Variants in CHRNE observed in about 807,000 individuals in gnomAD.
The protein encoded by CHRNE is cholinergic receptor nicotinic epsilon subunit.
A neutral mutation model predicts 56.5 loss-of-function variants in CHRNE; 58 were observed. The observed-to-expected ratio is 1.03, with a 90% confidence interval of 0.83 to 1.28. CHRNE has a LOEUF of 1.28. Among genes scored for constraint, CHRNE ranks in the 50% most tolerant of loss-of-function variants. CHRNE has a pLI of 0.00. For synonymous variants in CHRNE, 385 were observed against 297.9 expected (o/e 1.29, Z -3.01); for missense variants, 793 against 688.9 (o/e 1.15, Z -1.69).
intron 8 of CHRNE, chr17:4,900,369 G>A (rs1392688696): frequency 1.9e-6 from 3 of 1,549,274 alleles, no homozygotes; most frequent in East Asian, 2.4e-5. Context: ...TCGGCAAGCT[G>A]GGGCTGCGGT....
Position 4,898,184 on chromosome 17 carries a change from T to C in CHRNE, c.*552A>G, listed in dbSNP as rs1969781738. 1 of 176,564 alleles carries C rather than the reference T, an allele frequency of 5.7e-6. No homozygotes were observed. Among genetic ancestry groups the C allele is most frequent in the South Asian group, 1.1e-4 (1 of 8,780 alleles). 10.9% of individuals were successfully genotyped at this position (176,564 alleles called of 1,614,324 possible). ...AATGAGTGAGCCTCATGGGGTGGGA[T>C]GGGCAGTGCTGGGCCAAGAAAACCT... On this transcript the variant is annotated 3_prime_UTR_variant, in exon 12 of 12. Coordinates refer to ENST00000649488, the MANE Select transcript of CHRNE (RefSeq NM_000080.4).
upstream of CHRNE, among the ~76,000 whole-genome samples, chr17:4,904,707 G>T (rs1211523031): frequency 4.6e-5 from 7 of 152,196 alleles, no homozygotes; most frequent in African/African-American, 1.7e-4. Context: ...TCGCACACCT[G>T]TGTTTATTTT....
intron 8 of CHRNE, chr17:4,900,221 T>C: frequency 6.5e-7 from 1 of 1,546,122 alleles, no homozygotes; most frequent in Non-Finnish European, 8.7e-7. Flanking sequence ...CGCTAACCCC[T>C]GTGCCCCCAA....
rs775001449 is a variant in CHRNE, at chr17:4,899,070, C to T, written c.1257G>A (p.Glu419=). 4.3e-6 allele frequency: 7 copies of T among 1,611,694 alleles called. No individual in the cohort carries two copies. Among genetic ancestry groups the T allele is most frequent in the Non-Finnish European group, 5.9e-6 (7 of 1,179,598 alleles). Residue 419 remains glutamate (E), a synonymous_variant, in exon 11 of 12, where the codon GAG becomes GAA. Coordinates refer to ENST00000649488, the MANE Select transcript of CHRNE (RefSeq NM_000080.4). ...TCACGGCATCCACACAGCAGCGGAC[C>T]TCGGGGGCGGCGGCGCCCAGGCTCT... is the stretch of plus-strand genomic sequence containing the variant. ...FCQSLGAAAP[E]VRCCVDAVNF...
Position 4,902,313 on chromosome 17 carries a change from T to C in CHRNE, c.248A>G (p.Tyr83Cys). Residue 83 changes from tyrosine (Y) to cysteine (C), a missense_variant, in exon 4 of 12, where the codon TAC becomes TGC. Physicochemically the swap from Tyr to Cys is radical, Grantham distance 194 (BLOSUM62 -2). Coordinates refer to ENST00000649488, the MANE Select transcript of CHRNE (RefSeq NM_000080.4). This position sits in a 1 kb window ranked among gnomAD's most constrained non-coding sequence, Gnocchi z 4.0. The part of the protein sequence containing the change: ...SVWIGIDWQD[Y>C]RLNYSKDDFG... ...GTCGTCCTTGCTGTAGTTGAGTCGGTAATCCTGCCAATCCTAAGGGGTGGG... is the reference window on the plus strand; with the variant it reads ...GTCGTCCTTGCTGTAGTTGAGTCGGCAATCCTGCCAATCCTAAGGGGTGGG... 4 of 1,614,136 alleles carry C rather than the reference T, an allele frequency of 2.5e-6. No individual in the cohort carries two copies. The highest frequency in any genetic ancestry group is 3.4e-6 in the Non-Finnish European group (4 of 1,180,006).
intron 8 of CHRNE, 26 bp from the exon 9 acceptor site, chr17:4,899,608 C>A (rs1260792460): frequency 6.6e-7 from 1 of 1,518,986 alleles, no homozygotes; most frequent in Non-Finnish European, 9.0e-7. Flanking sequence ...GGCATGACAT[C>A]ACCGTTCCTC....
Position 4,901,947 on chromosome 17 carries a change from C to A in CHRNE, c.485G>T (p.Cys162Phe), listed in dbSNP as rs1567639487. The A allele has an allele frequency of 6.2e-7, 1 of 1,607,686 alleles. No individual in the cohort carries two copies. Among genetic ancestry groups the A allele is most frequent in the East Asian group, 2.3e-5 (1 of 44,274 alleles). ...CTCTTCCCACCGGAAAATAAGCGAACAGTTCTGCCAATCGAAGGGGAAGTA... is the reference window on the plus strand; with the variant it reads ...CTCTTCCCACCGGAAAATAAGCGAAAAGTTCTGCCAATCGAAGGGGAAGTA... ...VTYFPFDWQN[C>F]SLIFRSQTYN... The change falls in exon 5 of 12, where the codon TGT (cysteine) becomes TTT (phenylalanine). Residue 162 changes from cysteine (C) to phenylalanine (F), a missense_variant. Coordinates refer to ENST00000649488, the MANE Select transcript of CHRNE (RefSeq NM_000080.4).
At position 4,899,474 on chromosome 17, in the gene CHRNE, CAGCCGCGGGGACATGGCGT is replaced by C. The variant is rs1268475945; in HGVS notation, c.1007_1025del (p.His336ArgfsTer43). On this transcript the variant is annotated frameshift_variant, in exon 9 of 12. Coordinates refer to ENST00000649488, the MANE Select transcript of CHRNE (RefSeq NM_000080.4). LOFTEE classifies it high-confidence loss of function. The stretch of plus-strand genomic sequence containing the variant: ...CCGCCCCCTCCGCGCTTACGTGGCG[CAGCCGCGGGGACATGGCGT>C]GGGTGGTGGGCGTCCGCTGGGACAC... The C allele has an allele frequency of 3.8e-6, 6 of 1,592,184 alleles. No homozygotes were observed. In the Admixed American group the frequency reaches 1.1e-4, roughly 28 times the overall value.
intron 8 of CHRNE, chr17:4,900,217 C>T (rs764886473): frequency 2.6e-6 from 4 of 1,545,404 alleles, no homozygotes; most frequent in South Asian, 2.4e-5. Context: ...TCCCCGCTAA[C>T]CCCTGTGCCC....
intron 9 of CHRNE, 25 bp downstream of exon 9, chr17:4,899,443 G>GC (rs749442672): frequency 1.3e-6 from 2 of 1,561,848 alleles, no homozygotes; most frequent in East Asian, 2.4e-5. Flanking sequence ...CCCGACCCGG[G>GC]CTGCACCGCC....
upstream of CHRNE, chr17:4,903,212 GACATTT>G: frequency 3.7e-6 from 3 of 821,026 alleles, no homozygotes; most frequent in Non-Finnish European, 6.1e-6. Context: ...TGCAGCTGGG[GACATTT>G]TGGCTGCTTC....
In CHRNE at chr17:4,898,830, A is replaced by C. The variant is rs561591789; in HGVS notation, c.1388T>G (p.Leu463Arg). 2 of 1,598,072 alleles carry C rather than the reference A, an allele frequency of 1.3e-6. No individual in the cohort carries two copies. The highest frequency in any genetic ancestry group is 1.3e-5 in the African/African-American group (1 of 74,946). Reference sequence around the variant, plus strand: ...GCTGGAGCCCACGCTGAAGAGCACCAGAGCGGCCCAGAAGCAGATGTTGTC... The same window carrying C: ...GCTGGAGCCCACGCTGAAGAGCACCCGAGCGGCCCAGAAGCAGATGTTGTC... ...ALDNICFWAALVLFSVGSSLI... is the reference protein window; with the variant it reads ...ALDNICFWAARVLFSVGSSLI... Residue 463 changes from leucine to arginine, a missense_variant, in exon 12 of 12, where the codon CTG becomes CGG. Transcript: ENST00000649488.
At chr17:4,904,081 T>G (rs1970056791), upstream of CHRNE, among the ~76,000 whole-genome samples, 1 of 152,134 alleles carries the variant, frequency 6.6e-6, no homozygotes. Context: ...ATGGTCTCGA[T>G]CTCCTGACCT....
chr17:4,900,549 G>A (rs1385232788), intron 8 of CHRNE: 1 of 1,550,360 alleles, frequency 6.5e-7, no homozygotes, highest in East Asian at 2.4e-5. Context: ...AGAGGCGGCG[G>A]GGCTAGGGAG....
Position 4,898,611 on chromosome 17 carries a change from G to T in CHRNE, c.*125C>A. Reference sequence around the variant, plus strand: ...CAGGGAACGGGCACACACCATTCTTGTGAAGTTCACAAACTGCAGATTGAT... The same window carrying T: ...CAGGGAACGGGCACACACCATTCTTTTGAAGTTCACAAACTGCAGATTGAT... On this transcript the variant is annotated 3_prime_UTR_variant, in exon 12 of 12. Coordinates refer to ENST00000649488, the MANE Select transcript of CHRNE (RefSeq NM_000080.4). 1 of 1,321,926 alleles carries T rather than the reference G, an allele frequency of 7.6e-7. No homozygotes were observed. The highest frequency in any genetic ancestry group is 1.0e-6 in the Non-Finnish European group (1 of 954,900). 81.9% of individuals were successfully genotyped at this position (1,321,926 alleles called of 1,614,324 possible).
chr17:4,900,645 G>T, intron 8 of CHRNE, 148 bp downstream of exon 8: 1 of 1,458,868 alleles, frequency 6.9e-7, no homozygotes, highest in Non-Finnish European at 9.3e-7. Flanking sequence ...GGCGGACCAG[G>T]GACTCCATCC....
chr17:4,906,334 C>T (rs1970092447), upstream of CHRNE, among the ~76,000 whole-genome samples: 1 of 152,058 alleles, frequency 6.6e-6, no homozygotes, highest in African/African-American at 2.4e-5. Context: ...TGTTTAGCTC[C>T]CAAAACGGCC....
In CHRNE at chr17:4,901,891, C is replaced by CG. The variant is rs1555546936; in HGVS notation, c.500+40_500+41insC. The CG allele has an allele frequency of 6.2e-5, 99 of 1,606,322 alleles. No homozygotes were observed. In the East Asian group the frequency reaches 1.8e-3, roughly 29 times the overall value. On this transcript the variant is annotated intron_variant, in intron 5 of 11. Coordinates refer to ENST00000649488, the MANE Select transcript of CHRNE (RefSeq NM_000080.4). The stretch of plus-strand genomic sequence containing the variant: ...TTGGCCCCGCCCCATAAGGCCCCCC[C>CG]CCAACAATAATCGTCCGGGCCTCGG...
Position 4,902,388 on chromosome 17 carries a change from G to A in CHRNE, c.234+62C>T, listed in dbSNP as rs954283730. 1 of 1,613,570 alleles carries A rather than the reference G, an allele frequency of 6.2e-7. No homozygotes were observed. Reference sequence around the variant, plus strand: ...TCTCCCACCTGGCGCTGCCTGGGAGGGGTTTGGGGGAAAAGGGGTGCCCTG... The same window carrying A: ...TCTCCCACCTGGCGCTGCCTGGGAGAGGTTTGGGGGAAAAGGGGTGCCCTG... On this transcript the variant is annotated intron_variant, in intron 3 of 11. Coordinates refer to ENST00000649488, the MANE Select transcript of CHRNE (RefSeq NM_000080.4). This position sits in a 1 kb window ranked among gnomAD's most constrained non-coding sequence, Gnocchi z 4.0.
Sources: gnomAD v4.1 joint callset for allele counts (sites outside exome capture counted in the v4.1 genomes callset) on GRCh38, gnomAD v4.1.1 for gene constraint, Gnocchi (gnomAD v3.1) non-coding constraint, MANE v1.5 for transcripts, NCBI Gene and HGNC (gene_info 2026-07-23, HGNC 2026-07-21) for gene names.